The following CCDC138 variants were observed in gnomAD, a reference collection of about 807,000 sequenced individuals.
CCDC138 encodes coiled-coil domain-containing protein 138.
CCDC138 carries 66 observed loss-of-function variants against 82.3 expected under a neutral mutation model. The ratio of observed to expected loss-of-function variants is 0.80; its 90% CI spans 0.66 to 0.98. The LOEUF is 0.98. Among genes scored for constraint, CCDC138 ranks in the 50% least tolerant of loss-of-function variants. The probability of loss-of-function intolerance (pLI) is 0.00; values close to 1 mark genes in which losing one functional copy is unlikely to be tolerated. For synonymous variants in CCDC138, 297 were observed against 265.4 expected, an observed-to-expected ratio of 1.12 and a Z score of -1.16; for missense variants, 816 against 758.9, an observed-to-expected ratio of 1.08 and a Z score of -0.88.
Position 108,788,964 on chromosome 2 carries a change from T to G in CCDC138, c.264T>G (p.Asn88Lys). The change falls in exon 3 of 15, where the codon AAT (asparagine) becomes AAG (lysine). Residue 88 changes from asparagine to lysine, a missense_variant and splice_region_variant. Physicochemically the swap from Asn to Lys is moderately conservative, Grantham distance 94 (BLOSUM62 0). Coordinates refer to ENST00000295124, the MANE Select transcript of CCDC138 (RefSeq NM_144978.3). ...GCTTATTCAAGCACGTAAATGTGAATTGGTAAAGTACCCTGAAACTTTACT... is the reference window on the plus strand; with the variant it reads ...GCTTATTCAAGCACGTAAATGTGAAGTGGTAAAGTACCCTGAAACTTTACT... ...LGSLFKHVNV[N>K]CLDDELDSFH... is the part of the protein sequence containing the mutation. 1 of 1,613,974 alleles carries G rather than the reference T, an allele frequency of 6.2e-7. No homozygotes were observed. The highest frequency in any genetic ancestry group is 8.5e-7 in the Non-Finnish European group (1 of 1,179,948).
chr2:108,810,035 G>A (rs1683533993), intron 7 of CCDC138, among the ~76,000 whole-genome samples: 2 of 152,104 alleles, frequency 1.3e-5, no homozygotes, highest in Admixed American at 1.3e-4. Context: ...TGAACTCCTG[G>A]CCTCAGGTGA....
chr2:108,802,959 C>A (rs968119551), intron 6 of CCDC138, among the ~76,000 whole-genome samples: 1 of 152,180 alleles, frequency 6.6e-6, no homozygotes, highest in African/African-American at 2.4e-5. Context: ...TTGAACCAGC[C>A]TTGCATCCCA....
chr2:108,795,993 G>C (rs1680804033), intron 5 of CCDC138, among the ~76,000 whole-genome samples: 1 of 151,950 alleles, frequency 6.6e-6, no homozygotes, highest in South Asian at 2.1e-4. Flanking sequence ...TGTTTAATAA[G>C]AAAAAAATGA....
downstream of CCDC138, among the ~76,000 whole-genome samples, chr2:108,878,860 TAAA>T (rs1480550949): frequency 7.2e-5 from 11 of 152,212 alleles, no homozygotes; most frequent in Admixed American, 5.2e-4. Context: ...AAATGTAAGA[TAAA>T]GAATCCTTTT....
intron 3 of CCDC138, among the ~76,000 whole-genome samples, chr2:108,791,260 C>G (rs940719697): frequency 3.3e-5 from 5 of 152,080 alleles, no homozygotes; most frequent in Non-Finnish European, 5.9e-5. Flanking sequence ...GGAGACAACA[C>G]CTGGAATTCT....
chr2:108,862,102 A>C (rs1249866678), intron 13 of CCDC138, among the ~76,000 whole-genome samples: 1 of 141,808 alleles, frequency 7.1e-6, no homozygotes, highest in Non-Finnish European at 1.5e-5. Context: ...ATTTGTTGAG[A>C]CTTTCCTGAG....
At chr2:108,821,554 C>A (rs1685704686) in intron 10 of CCDC138, among the ~76,000 whole-genome samples, 1 of 151,968 alleles carries the variant, frequency 6.6e-6, no homozygotes, top group South Asian at 2.1e-4. Flanking sequence ...GTGTGTAACA[C>A]ACACAAAAAT....
At chr2:108,847,613 G>A (rs1055685741) in intron 12 of CCDC138, among the ~76,000 whole-genome samples, 1 of 152,140 alleles carries the variant, frequency 6.6e-6, no homozygotes. Flanking sequence ...AGCTATAACA[G>A]GTTATATTAT....
chr2:108,805,983 G>C (rs977110486), intron 7 of CCDC138, among the ~76,000 whole-genome samples: 1 of 148,568 alleles, frequency 6.7e-6, no homozygotes, highest in Non-Finnish European at 1.5e-5. Context: ...GAATCTGTAT[G>C]GATTATGTAA....
rs375344362 is a variant in CCDC138, at chr2:108,826,213, G to T, written c.1206+10108G>T. Among the ~76,000 whole-genome samples, 79 of 152,222 alleles carry T rather than the reference G, an allele frequency of 5.2e-4. 1 individual carries two copies. In the South Asian group the frequency reaches 0.016, roughly 30 times the overall value. On this transcript the variant is annotated intron_variant, in intron 10 of 14. Coordinates refer to ENST00000295124, the MANE Select transcript of CCDC138 (RefSeq NM_144978.3). ...TATTTTCTCCATTCAGTAGTTGTCTGTTGACTTTCTGGATAGTATCCTTTG... is the reference window on the plus strand; with the variant it reads ...TATTTTCTCCATTCAGTAGTTGTCTTTTGACTTTCTGGATAGTATCCTTTG...
chr2:108,816,042 T>C lies in CCDC138; in HGVS notation c.1143T>C (p.Asp381=), dbSNP rs1684740774. 1 of 1,613,842 alleles carries C rather than the reference T, an allele frequency of 6.2e-7. No homozygotes were observed. Among genetic ancestry groups the C allele is most frequent in the East Asian group, 2.2e-5 (1 of 44,854 alleles). ...TGAAACATGAAGAATCTGGAATGGA[T>C]GGTAAAAAACCACAACTCAAATTTG... ...SKVKHEESGM[D]GKKPQLKFAS... is the part of the protein sequence containing the mutation. Residue 381 remains aspartate (D), a synonymous_variant, in exon 10 of 15, where the codon GAT becomes GAC. Coordinates refer to ENST00000295124, the MANE Select transcript of CCDC138 (RefSeq NM_144978.3).
At chr2:108,869,886 A>G (rs1455649292) in intron 13 of CCDC138, among the ~76,000 whole-genome samples, 1 of 152,196 alleles carries the variant, frequency 6.6e-6, no homozygotes, top group Non-Finnish European at 1.5e-5. Flanking sequence ...AAAAAATCGT[A>G]GAACACGCAA....
At chr2:108,843,891 T>TC (rs1689989519) in intron 11 of CCDC138, among the ~76,000 whole-genome samples, 7 of 141,576 alleles carry the variant, frequency 4.9e-5, no homozygotes, top group East Asian at 2.0e-4. Flanking sequence ...TCTTTCTTTT[T>TC]TTTTTTTTTT....
At position 108,876,304 on chromosome 2, in the gene CCDC138, A is replaced by G. The variant is rs745734207; in HGVS notation, c.*51A>G. 1 of 1,005,382 alleles carries G rather than the reference A, an allele frequency of 9.9e-7. No individual in the cohort carries two copies. Among genetic ancestry groups the G allele is most frequent in the Non-Finnish European group, 1.4e-6 (1 of 702,402 alleles). The allele number at this position is 1,005,382 out of a possible 1,614,324, so 62.3% of individuals were successfully genotyped here. On this transcript the variant is annotated 3_prime_UTR_variant, in exon 15 of 15. Transcript: ENST00000295124. ...ATGTGGTGCTTATTTATAAACATGT[A>G]GAAATTACCAAAGTAACTACAATTC...
chr2:108,866,880 GA>G (rs571640278), intron 13 of CCDC138, among the ~76,000 whole-genome samples: 4,044 of 139,612 alleles, frequency 0.029, 163 homozygotes, highest in African/African-American at 0.1. Context: ...AAGACTGTCT[GA>G]AAAAAAAAAA....
At chr2:108,815,884 CTT>C in intron 9 of CCDC138, 55 bp from the exon 10 acceptor site, 3 of 1,429,464 alleles carry the variant, frequency 2.1e-6, no homozygotes, top group Non-Finnish European at 2.9e-6. Flanking sequence ...TAAGGTTTGT[CTT>C]TGAAGTTTTA....
rs1696030676 is a variant in CCDC138 at position 108,876,452 on chromosome 2, T to C, written c.*199T>C. The C allele has an allele frequency of 2.8e-6, 1 of 359,842 alleles. No individual in the cohort carries two copies. The highest frequency in any genetic ancestry group is 4.3e-5 in the Admixed American group (1 of 23,174). The allele number at this position is 359,842 out of a possible 1,614,324, so 22.3% of individuals were successfully genotyped here. On this transcript the variant is annotated 3_prime_UTR_variant, in exon 15 of 15. Transcript: ENST00000295124. Reference sequence around the variant, plus strand: ...GAATGTTTCAGTTCAGGTAAGGTAATACTAATATACAAGATGGCGTTTCTA... The same window carrying C: ...GAATGTTTCAGTTCAGGTAAGGTAACACTAATATACAAGATGGCGTTTCTA...
rs144518921 is a variant in CCDC138 at position 108,811,245 on chromosome 2, C to CTTTTTTTTTTTTTTTTTTTTTT, written c.856-1385_856-1384insTTTTTTTTTTTTTTTTTTTTTT. On this transcript the variant is annotated intron_variant, in intron 7 of 14. Coordinates refer to ENST00000295124, the MANE Select transcript of CCDC138 (RefSeq NM_144978.3). Reference sequence around the variant, plus strand: ...CTCTCCCTTTTCTTTCTTTCTCTCTCTCTTTTTTTTTTTTTTTGACTGTCT... The same window carrying CTTTTTTTTTTTTTTTTTTTTTT: ...CTCTCCCTTTTCTTTCTTTCTCTCTCTTTTTTTTTTTTTTTTTTTTTTTCTTTTTTTTTTTTTTTGACTGTCT... 2.3e-4 allele frequency among the ~76,000 whole-genome samples: 25 copies of CTTTTTTTTTTTTTTTTTTTTTT among 109,624 alleles called. 3 individuals are homozygous for CTTTTTTTTTTTTTTTTTTTTTT. The highest frequency in any genetic ancestry group is 7.6e-4 in the African/African-American group (18 of 23,836). The allele number at this position is 109,624 out of a possible 152,430, so 71.9% of individuals were successfully genotyped here. A position where few individuals can be genotyped will look rare whatever the true frequency, so the allele number is the denominator to read the frequency against.
At position 108,804,960 on chromosome 2, in the gene CCDC138, G is replaced by T. The variant is rs766760386; in HGVS notation, c.807G>T (p.Arg269Ser). The T allele has an allele frequency of 3.8e-6, 6 of 1,575,162 alleles. No individual in the cohort carries two copies. Among genetic ancestry groups the T allele is most frequent in the African/African-American group, 1.4e-5 (1 of 72,300 alleles). Residue 269 changes from arginine to serine, a missense_variant, in exon 7 of 15, where the codon AGG becomes AGT. Coordinates refer to ENST00000295124, the MANE Select transcript of CCDC138 (RefSeq NM_144978.3). ...AGAATAAAGAAACCAAGAGACTGAG[G>T]TCCTCTTTTGATGCATTGAAAGAAT... Reference protein sequence around the residue: ...KEKNKETKRLRSSFDALKELN... With the variant: ...KEKNKETKRLSSSFDALKELN...
Sources: allele counts gnomAD v4.1 joint callset (sites outside exome capture counted in the v4.1 genomes callset), GRCh38; gene constraint gnomAD v4.1.1; transcripts MANE v1.5; gene names NCBI Gene and HGNC (gene_info 2026-07-23, HGNC 2026-07-21).